Variants in CETN3 observed in about 807,000 individuals in gnomAD.
The protein encoded by CETN3 is centrin-3.
Under a neutral mutation model 20.1 loss-of-function variants are expected in CETN3, and 17 were observed. The observed-to-expected ratio is 0.85, with a 90% CI of 0.58 to 1.27. CETN3 has a LOEUF of 1.27. Ranked by LOEUF, CETN3 falls within the 50% of genes most tolerant of loss-of-function variation. The pLI is 0.00. For missense variants in CETN3, 169 were observed against 191.2 expected (o/e 0.88, Z 0.69); for synonymous variants, 52 against 59.7 (o/e 0.87, Z 0.59).
intron 2 of CETN3, among the ~76,000 whole-genome samples, chr5:90,407,322 A>C: frequency 6.6e-6 from 1 of 152,144 alleles, no homozygotes; most frequent in Non-Finnish European, 1.5e-5. Context: ...ATTAAAAGAC[A>C]ACACTCCCAC....
chr5:90,398,379 G>A (rs1749186338), intron 4 of CETN3, among the ~76,000 whole-genome samples: 2 of 152,062 alleles, frequency 1.3e-5, no homozygotes, highest in South Asian at 4.1e-4. Context: ...AAAACAATTT[G>A]TTTCTCTAAA....
intron 3 of CETN3, among the ~76,000 whole-genome samples, chr5:90,404,319 A>G (rs1749379241): frequency 6.6e-6 from 1 of 152,234 alleles, no homozygotes; most frequent in Non-Finnish European, 1.5e-5. Flanking sequence ...CTAAACCACT[A>G]TACTGTACTA....
chr5:90,397,595 AT>A (rs1213925696), intron 4 of CETN3, among the ~76,000 whole-genome samples: 11 of 152,140 alleles, frequency 7.2e-5, no homozygotes, highest in Non-Finnish European at 1.6e-4. Context: ...CCAACTGAGT[AT>A]GTTGCTAATA....
intron 3 of CETN3, among the ~76,000 whole-genome samples, chr5:90,402,204 A>T (rs1006186507): frequency 6.6e-6 from 1 of 152,180 alleles, no homozygotes; most frequent in African/African-American, 2.4e-5. Context: ...CCTCAGCGAA[A>T]AAAATAGTAT....
chr5:90,402,193 T>C (rs1039873028), intron 3 of CETN3, among the ~76,000 whole-genome samples: 1 of 152,084 alleles, frequency 6.6e-6, no homozygotes, highest in Non-Finnish European at 1.5e-5. Context: ...ACCCTCGCCA[T>C]CCTCAGCGAA....
rs1054168209 is a variant in CETN3 at position 90,394,084 on chromosome 5, T to C, written c.484A>G (p.Ile162Val). Residue 162 changes from isoleucine (I) to valine (V), a missense_variant, in exon 5 of 5, where the codon ATT (isoleucine) becomes GTT (valine). Coordinates refer to ENST00000283122, the MANE Select transcript of CETN3 (RefSeq NM_004365.4). ...GEINQEEFIA[I>V]MTGDI is the part of the protein sequence containing the mutation. ...ATTCTTTAAATGTCACCAGTCATAATAGCAATGAACTCCTCTTGGTTTACT... is the reference window on the plus strand; with the variant it reads ...ATTCTTTAAATGTCACCAGTCATAACAGCAATGAACTCCTCTTGGTTTACT... 7 of 1,550,236 alleles carry C rather than the reference T, an allele frequency of 4.5e-6. 1 individual carries two copies. The highest frequency in any genetic ancestry group is 5.3e-6 in the Non-Finnish European group (6 of 1,130,116).
intron 4 of CETN3, chr5:90,396,550 G>A (rs1205058176): frequency 6.5e-7 from 1 of 1,532,954 alleles, no homozygotes; most frequent in Non-Finnish European, 8.7e-7. Context: ...GGAAGCAAGA[G>A]TATGTTCTTA....
intron 3 of CETN3, 66 bp from the exon 4 acceptor site, chr5:90,399,615 T>C: frequency 8.0e-7 from 1 of 1,246,994 alleles, no homozygotes; most frequent in African/African-American, 1.5e-5. Context: ...ATTTGTGAAA[T>C]CAACTAAATA....
chr5:90,393,930 C>T lies in CETN3; in HGVS notation c.*134G>A, dbSNP rs1749076288. 1.6e-6 allele frequency: 1 copy of T among 637,084 alleles called. No homozygotes were observed. The highest frequency in any genetic ancestry group is 2.8e-6 in the Non-Finnish European group (1 of 361,072). 39.5% of individuals were successfully genotyped at this position (637,084 alleles called of 1,614,324 possible). Reference sequence around the variant, plus strand: ...AAAGAAACTTAACAGTAGTAAAATACAGATATATAAGATGCTTATTTTTGG... The same window carrying T: ...AAAGAAACTTAACAGTAGTAAAATATAGATATATAAGATGCTTATTTTTGG... On this transcript the variant is annotated 3_prime_UTR_variant, in exon 5 of 5. Coordinates refer to ENST00000283122, the MANE Select transcript of CETN3 (RefSeq NM_004365.4).
At chr5:90,400,825 G>A (rs1251807483) in intron 3 of CETN3, among the ~76,000 whole-genome samples, 3 of 152,050 alleles carry the variant, frequency 2.0e-5, no homozygotes. Flanking sequence ...ACTAATTGAA[G>A]TATATTACTG....
chr5:90,405,506 C>A, intron 3 of CETN3, 179 bp downstream of exon 3: 1 of 554,418 alleles, frequency 1.8e-6, no homozygotes, highest in South Asian at 2.6e-5. Flanking sequence ...AATCTCAGAG[C>A]AAAGCCATAT....
At chr5:90,397,776 C>T (rs946163481) in intron 4 of CETN3, among the ~76,000 whole-genome samples, 6 of 152,054 alleles carry the variant, frequency 3.9e-5, no homozygotes, top group Admixed American at 2.6e-4. Flanking sequence ...ACAGTATTAG[C>T]TTTGTGATAA....
chr5:90,395,746 A>G (rs1478699634), intron 4 of CETN3: 1 of 346,432 alleles, frequency 2.9e-6, no homozygotes. Flanking sequence ...TCTAGGCAGA[A>G]GGTACAATGG....
intron 4 of CETN3, chr5:90,395,911 A>C (rs1749126803): frequency 1.1e-6 from 1 of 920,374 alleles, no homozygotes; most frequent in Non-Finnish European, 1.3e-6. Context: ...ACCACATAGA[A>C]AACCGGTTTT....
chr5:90,409,538 C>G (rs955606382), intron 1 of CETN3, 107 bp downstream of exon 1: 78 of 1,383,086 alleles, frequency 5.6e-5, no homozygotes, highest in Middle Eastern at 1.8e-4. Flanking sequence ...GCGTCCCAAA[C>G]TACATCCCCT....
In CETN3 at chr5:90,392,382, T is replaced by C. The variant is rs1749040590; in HGVS notation, c.*1682A>G. 1 of 152,198 alleles carries C rather than the reference T, an allele frequency of 6.6e-6. No homozygotes were observed. Among genetic ancestry groups the C allele is most frequent in the Admixed American group, 6.5e-5 (1 of 15,278 alleles). The allele number at this position is 152,198 out of a possible 1,614,324, so 9.4% of individuals were successfully genotyped here. A position where few individuals can be genotyped will look rare whatever the true frequency, so the allele number is the denominator to read the frequency against. On this transcript the variant is annotated 3_prime_UTR_variant, in exon 5 of 5. Transcript: ENST00000283122. ...ATTTCAAGGTCTGTTGCCCTGAATA[T>C]AATGACTGTGACCATTGAATTTGTA...
In CETN3 at chr5:90,394,113, G is replaced by C; in HGVS notation, c.461-6C>G. 1.3e-6 allele frequency: 2 copies of C among 1,529,010 alleles called. No homozygotes were observed. Among genetic ancestry groups the C allele is most frequent in the Non-Finnish European group, 1.8e-6 (2 of 1,117,318 alleles). The allele number at this position is 1,529,010 out of a possible 1,614,324, so 94.7% of individuals were successfully genotyped here. A position where few individuals can be genotyped will look rare whatever the true frequency, so the allele number is the denominator to read the frequency against. ...AATGAACTCCTCTTGGTTTACTGTG[G>C]TAAGAAAGAAAATGAAATAGTCAGA... is the stretch of plus-strand genomic sequence containing the variant. On this transcript the variant is annotated splice_polypyrimidine_tract_variant and splice_region_variant and intron_variant, in intron 4 of 4. Transcript: ENST00000283122.
At chr5:90,408,680 A>G (rs2151884699) in intron 1 of CETN3, among the ~76,000 whole-genome samples, 1 of 152,210 alleles carries the variant, frequency 6.6e-6, no homozygotes, top group Admixed American at 6.5e-5. Context: ...TGGAGCCGCA[A>G]CACTGGAATA....
Position 90,405,679 on chromosome 5 carries a change from A to G in CETN3, c.268+6T>C, listed in dbSNP as rs1749419633. 1.3e-6 allele frequency: 2 copies of G among 1,537,648 alleles called. No individual in the cohort carries two copies. The highest frequency in any genetic ancestry group is 1.7e-5 in the Admixed American group (1 of 59,852). On this transcript the variant is annotated splice_donor_region_variant and intron_variant, in intron 3 of 4. Coordinates refer to ENST00000283122, the MANE Select transcript of CETN3 (RefSeq NM_004365.4). ...TGCTGATTACAAAGACTATTAAAAT[A>G]CACACCAACTTCATTAAAATCTTCA...
Sources: allele counts gnomAD v4.1 joint callset (sites outside exome capture counted in the v4.1 genomes callset), GRCh38; gene constraint gnomAD v4.1.1; transcripts MANE v1.5; gene names NCBI Gene and HGNC (gene_info 2026-07-23, HGNC 2026-07-21).